GPAT4: variants seen among roughly 807,000 people sequenced by gnomAD.
The protein encoded by GPAT4 is 1-AGP acyltransferase 6.
In GPAT4, 17 loss-of-function variants were observed where a neutral mutation model predicts 58.0. The ratio of observed to expected loss-of-function variants is 0.29; its 90% confidence interval spans 0.20 to 0.44. The LOEUF (loss-of-function observed/expected upper bound fraction) is 0.44, where lower values mean the gene tolerates loss of function less well. GPAT4 is among the 20% of genes least tolerant of loss of function. The pLI is 1.00. For synonymous variants in GPAT4, 204 were observed against 210.1 expected (o/e 0.97, Z 0.25); for missense variants, 377 against 574.5 (o/e 0.66, Z 3.51).
intron 1 of GPAT4, 75 bp from the exon 2 acceptor site, chr8:41,598,217 C>T (rs1297688872): frequency 3.9e-5 from 6 of 152,052 alleles, no homozygotes; most frequent in East Asian, 1.9e-4. Flanking sequence ...TAAAACAGTC[C>T]GCCTGGCCCC....
chr8:41,618,620 C>T, intron 10 of GPAT4, 64 bp from the exon 11 acceptor site: 2 of 1,594,580 alleles, frequency 1.3e-6, no homozygotes, highest in Non-Finnish European at 1.7e-6. Flanking sequence ...ACAGCAGTCA[C>T]TGTGGACTCG....
rs1803819387 is a variant in GPAT4 at position 41,623,494 on chromosome 8, C to T, written c.*2493C>T. The T allele has an allele frequency of 6.6e-6, 1 of 152,264 alleles. No homozygotes were observed. Among genetic ancestry groups the T allele is most frequent in the South Asian group, 2.1e-4 (1 of 4,836 alleles). The allele number at this position is 152,264 out of a possible 1,614,324, so 9.4% of individuals were successfully genotyped here. ...CCCCCCTCCAAGCCTGCTGCACCTT[C>T]ACTTCTCTGCATCCGTCTCCTGAGT... On this transcript the variant is annotated 3_prime_UTR_variant, in exon 13 of 13. Coordinates refer to ENST00000396987, the MANE Select transcript of GPAT4 (RefSeq NM_178819.4).
chr8:41,580,268 C>CTA (rs1802477633), intron 1 of GPAT4, among the ~76,000 whole-genome samples: 2 of 152,176 alleles, frequency 1.3e-5, no homozygotes, highest in South Asian at 4.1e-4. Context: ...GAAGAACAAG[C>CTA]TATAAACGGT....
Position 41,612,350 on chromosome 8 carries a change from C to T in GPAT4, c.795+77C>T, listed in dbSNP as rs971863287. On this transcript the variant is annotated intron_variant, in intron 7 of 12. Coordinates refer to ENST00000396987, the MANE Select transcript of GPAT4 (RefSeq NM_178819.4). ...GGTCAGGGCTAGGAGGCTCCTGGAC[C>T]CTTCACATAAACACATTTATGCGTG... is the stretch of plus-strand genomic sequence containing the variant. The T allele has an allele frequency of 1.4e-5, 20 of 1,447,184 alleles. No individual in the cohort carries two copies. In the African/African-American group the frequency reaches 2.4e-4, roughly 17 times the overall value. 89.6% of individuals were successfully genotyped at this position (1,447,184 alleles called of 1,614,324 possible).
chr8:41,580,486 A>G (rs1039526824), intron 1 of GPAT4, among the ~76,000 whole-genome samples: 4 of 152,156 alleles, frequency 2.6e-5, no homozygotes, highest in East Asian at 3.9e-4. Context: ...AATTTATGCT[A>G]TTACATTTCC....
intron 1 of GPAT4, among the ~76,000 whole-genome samples, chr8:41,596,194 G>C (rs529157955): frequency 2.0e-5 from 3 of 152,070 alleles, no homozygotes; most frequent in African/African-American, 7.2e-5. Context: ...GTAGTTCCTA[G>C]TGGGGTGGGC....
At chr8:41,596,857 C>T (rs184150637) in intron 1 of GPAT4, among the ~76,000 whole-genome samples, 143 of 152,300 alleles carry the variant, frequency 9.4e-4, no homozygotes, top group African/African-American at 3.3e-3. Context: ...GGACTCACGT[C>T]TTCAAAAACC....
intron 1 of GPAT4, among the ~76,000 whole-genome samples, chr8:41,591,546 T>C (rs1802789500): frequency 1.3e-5 from 2 of 152,272 alleles, no homozygotes; most frequent in Admixed American, 6.5e-5. Flanking sequence ...AGTACACTTA[T>C]GCTGAAGCAT....
chr8:41,618,861 G>A, intron 11 of GPAT4, 37 bp from the exon 12 acceptor site: 1 of 1,614,256 alleles, frequency 6.2e-7, no homozygotes, highest in Admixed American at 1.7e-5. Flanking sequence ...GTAACGTCAA[G>A]CCGGGGCTGA....
intron 12 of GPAT4, 32 bp from the exon 13 acceptor site, chr8:41,620,861 G>T: frequency 6.5e-7 from 1 of 1,549,772 alleles, no homozygotes; most frequent in Non-Finnish European, 8.7e-7. Flanking sequence ...AGCCCTCTTG[G>T]CTGTTACTAC....
intron 1 of GPAT4, among the ~76,000 whole-genome samples, chr8:41,584,268 G>A (rs762296869): frequency 3.0e-4 from 45 of 152,186 alleles, no homozygotes; most frequent in Non-Finnish European, 5.0e-4. Context: ...TACGCTGCTA[G>A]TGGGAATACA....
At chr8:41,603,669 G>C (rs760057729) in intron 2 of GPAT4, among the ~76,000 whole-genome samples, 67 of 152,070 alleles carry the variant, frequency 4.4e-4, no homozygotes, top group Non-Finnish European at 8.8e-4. Context: ...AGAGGATGTG[G>C]GGGGGCAGGA....
At chr8:41,610,889 T>C (rs1026121447) in intron 5 of GPAT4, 79 bp downstream of exon 5, 2 of 1,410,690 alleles carry the variant, frequency 1.4e-6, no homozygotes, top group South Asian at 1.4e-5. Context: ...GCAAGGACAC[T>C]TCTTTGGACA....
intron 10 of GPAT4, among the ~76,000 whole-genome samples, chr8:41,615,454 G>T (rs531233256): frequency 2.1e-4 from 32 of 151,896 alleles, no homozygotes; most frequent in Admixed American, 4.6e-4. Flanking sequence ...TGAGGATTGG[G>T]GGGGGGGTCA....
rs560149003 is a variant in GPAT4, at chr8:41,611,047, C to T, written c.611+237C>T. Among the ~76,000 whole-genome samples the T allele has an allele frequency of 1.5e-3, 176 of 116,810 alleles. 1 individual carries two copies. The highest frequency in any genetic ancestry group is 0.013 in the Admixed American group (158 of 12,338). The allele number at this position is 116,810 out of a possible 152,430, so 76.6% of individuals were successfully genotyped here. A position where few individuals can be genotyped will look rare whatever the true frequency, so the allele number is the denominator to read the frequency against. ...TTTGAGACCAGCCTGGCCAGCATGG[C>T]GAAACCTGTCTCTACTAAAAATACA... On this transcript the variant is annotated intron_variant, in intron 5 of 12. Coordinates refer to ENST00000396987, the MANE Select transcript of GPAT4 (RefSeq NM_178819.4).
At chr8:41,614,533 G>A in intron 9 of GPAT4, 92 bp downstream of exon 9, 1 of 1,294,192 alleles carries the variant, frequency 7.7e-7, no homozygotes, top group Non-Finnish European at 1.1e-6. Flanking sequence ...CTCAGCCCTT[G>A]TTGGGGTTAT....
rs1018002884 is a variant in GPAT4 at position 41,621,085 on chromosome 8, G to A, written c.*84G>A. On this transcript the variant is annotated 3_prime_UTR_variant, in exon 13 of 13. Coordinates refer to ENST00000396987, the MANE Select transcript of GPAT4 (RefSeq NM_178819.4). ...TTGCCGCCGCCGCCCCCACTGCTGT[G>A]TCCTTTCCAGACTCCAGGGCTCCCC... is the stretch of plus-strand genomic sequence containing the variant. 19 of 1,522,080 alleles carry A rather than the reference G, an allele frequency of 1.2e-5. No individual in the cohort carries two copies. The highest frequency in any genetic ancestry group is 2.3e-4 in the Middle Eastern group (1 of 4,308). The allele number at this position is 1,522,080 out of a possible 1,614,324, so 94.3% of individuals were successfully genotyped here.
chr8:41,609,283 C>CT (rs1296197323), intron 2 of GPAT4, 133 bp from the exon 3 acceptor site: 1 of 949,308 alleles, frequency 1.1e-6, no homozygotes. Context: ...GAGTTTCCTT[C>CT]TAGACTATGT....
At chr8:41,592,993 T>A (rs1429125852) in intron 1 of GPAT4, among the ~76,000 whole-genome samples, 1 of 152,198 alleles carries the variant, frequency 6.6e-6, no homozygotes, top group Non-Finnish European at 1.5e-5. Flanking sequence ...ACAAGACTAG[T>A]ATCCACATTC....
Sources: gnomAD v4.1 joint callset for allele counts (sites outside exome capture counted in the v4.1 genomes callset) on GRCh38, gnomAD v4.1.1 for gene constraint, MANE v1.5 for transcripts, NCBI Gene and HGNC (gene_info 2026-07-23, HGNC 2026-07-21) for gene names.